Variants in ENG observed in about 807,000 individuals in gnomAD.
ENG encodes CD105 antigen.
In ENG, 17 loss-of-function variants were observed where a neutral mutation model predicts 71.0. That is an observed-to-expected ratio of 0.24 (90% CI 0.16 to 0.36). The LOEUF (loss-of-function observed/expected upper bound fraction) is 0.36. ENG is among the 10% of genes least tolerant of loss of function. The probability of loss-of-function intolerance (pLI) is 1.00; values close to 1 mark genes in which losing one functional copy is unlikely to be tolerated. For synonymous variants in ENG, 360 were observed against 366.9 expected (o/e 0.98, Z 0.21); for missense variants, 749 against 868.3 (o/e 0.86, Z 1.73).
intron 1 of ENG, 70 bp from the exon 2 acceptor site, chr9:127,843,315 C>G: frequency 6.2e-7 from 1 of 1,607,218 alleles, no homozygotes; most frequent in South Asian, 1.1e-5. Context: ...ACTTTCCAAA[C>G]GTCTCCTAGG....
intron 12 of ENG, chr9:127,817,880 G>A (rs1830367529): frequency 3.3e-6 from 2 of 605,856 alleles, no homozygotes; most frequent in Admixed American, 5.9e-5. Flanking sequence ...ATGGATGGAT[G>A]GATAGATGGA....
intron 1 of ENG, among the ~76,000 whole-genome samples, chr9:127,853,680 G>A (rs1829084736): frequency 6.6e-6 from 1 of 152,212 alleles, no homozygotes; most frequent in African/African-American, 2.4e-5. Context: ...AGGCCCTGGG[G>A]AAGGTGAGCT....
Position 127,843,212 on chromosome 9 carries a change from G to A in ENG, c.101C>T (p.Pro34Leu). The stretch of plus-strand genomic sequence containing the variant: ...CACCTCGCCCCTCTCGGGGCCCACA[G>A]GCTGAAGGTCACAATGGACTGTTTC... ...LAETVHCDLQ[P>L]VGPERGEVTY... Residue 34 changes from proline to leucine, a missense_variant, in exon 2 of 15, where the codon CCT becomes CTT. Transcript: ENST00000373203. 6.2e-7 allele frequency: 1 copy of A among 1,614,248 alleles called. No homozygotes were observed. The highest frequency in any genetic ancestry group is 8.5e-7 in the Non-Finnish European group (1 of 1,180,050).
At chr9:127,851,467 G>T (rs1040558413) in intron 1 of ENG, among the ~76,000 whole-genome samples, 1 of 151,926 alleles carries the variant, frequency 6.6e-6, no homozygotes, top group Non-Finnish European at 1.5e-5. Flanking sequence ...TGATCCACCC[G>T]CCTCAGCCTC....
chr9:127,845,865 C>T (rs1365968515), intron 1 of ENG, among the ~76,000 whole-genome samples: 1 of 151,980 alleles, frequency 6.6e-6, no homozygotes, highest in African/African-American at 2.4e-5. Flanking sequence ...CGCCACCACG[C>T]CTGGCTAATT....
Position 127,846,872 on chromosome 9 carries a change from G to C in ENG, c.68-3627C>G. Reference sequence around the variant, plus strand: ...GACCCAGAAGCCACCTCCCACCACTGTCCCCTCTCCACCCTCGCCACCCAT... The same window carrying C: ...GACCCAGAAGCCACCTCCCACCACTCTCCCCTCTCCACCCTCGCCACCCAT... On this transcript the variant is annotated intron_variant, in intron 1 of 14. Transcript: ENST00000373203. The surrounding 1 kb of genome is among the most constrained non-coding windows in gnomAD (Gnocchi z 5.5). The C allele has an allele frequency of 2.0e-6, 2 of 985,528 alleles. No homozygotes were observed. Among genetic ancestry groups the C allele is most frequent in the Non-Finnish European group, 2.4e-6 (2 of 830,086 alleles). The allele number at this position is 985,528 out of a possible 1,614,324, so 61.0% of individuals were successfully genotyped here. A position where few individuals can be genotyped will look rare whatever the true frequency, so the allele number is the denominator to read the frequency against.
At chr9:127,823,617 T>C (rs1830524444) in intron 8 of ENG, among the ~76,000 whole-genome samples, 1 of 151,176 alleles carries the variant, frequency 6.6e-6, no homozygotes, top group Non-Finnish European at 1.5e-5. Context: ...CTCGATCTCC[T>C]GACCTTGTGA....
In ENG at chr9:127,834,395, G is replaced by A. The variant is rs140124489; in HGVS notation, c.220-4568C>T. On this transcript the variant is annotated intron_variant, in intron 2 of 14. Transcript: ENST00000373203. ...TGGGACTACAGGTGTGCGCCACCAT[G>A]CCCAACTAATTTTTGTAATTTTTTC... Among the ~76,000 whole-genome samples the A allele has an allele frequency of 4.7e-4, 71 of 151,430 alleles. No homozygotes were observed. In the East Asian group the frequency reaches 0.012, roughly 25 times the overall value.
intron 2 of ENG, among the ~76,000 whole-genome samples, chr9:127,833,371 A>AT (rs1165705122): frequency 6.6e-6 from 1 of 151,896 alleles, no homozygotes; most frequent in African/African-American, 2.4e-5. Flanking sequence ...AAAATACTAA[A>AT]TTAGCCAGGT....
In ENG at chr9:127,843,112, G is replaced by A; in HGVS notation, c.201C>T (p.Leu67=). ...CACTCACCGTTGGGAACTCCAGGAAGAGGACATGGACTTCAAGGATGGCAT... is the reference window on the plus strand; with the variant it reads ...CACTCACCGTTGGGAACTCCAGGAAAAGGACATGGACTTCAAGGATGGCAT... ...APNAILEVHV[L]FLEFPTGPSQ... Residue 67 remains leucine, a synonymous_variant, in exon 2 of 15, where the codon CTC becomes CTT. Transcript: ENST00000373203. 6.2e-7 allele frequency: 1 copy of A among 1,614,142 alleles called. No individual in the cohort carries two copies. Among genetic ancestry groups the A allele is most frequent in the South Asian group, 1.1e-5 (1 of 91,084 alleles).
intron 2 of ENG, among the ~76,000 whole-genome samples, chr9:127,840,889 A>C (rs1242815161): frequency 1.3e-5 from 2 of 152,216 alleles, no homozygotes; most frequent in Non-Finnish European, 2.9e-5. Context: ...GATCCTTGGA[A>C]TATGGCATGA....
chr9:127,831,191 C>T (rs1830756206), intron 2 of ENG, among the ~76,000 whole-genome samples: 1 of 149,130 alleles, frequency 6.7e-6, no homozygotes, highest in Admixed American at 6.7e-5. Flanking sequence ...GACAGAGTCT[C>T]CCTCTGTTGT....
chr9:127,832,160 C>T (rs1168450128), intron 2 of ENG, among the ~76,000 whole-genome samples: 2 of 147,924 alleles, frequency 1.4e-5, no homozygotes, highest in East Asian at 2.0e-4. Context: ...ACTGCAACCT[C>T]TGCCTCCTGG....
chr9:127,837,774 G>GCATCCATC (rs5900769), intron 2 of ENG, among the ~76,000 whole-genome samples: 4,560 of 112,918 alleles, frequency 0.04, 96 homozygotes, highest in Middle Eastern at 0.07. Flanking sequence ...ATGCATGAAT[G>GCATCCATC]CATCCATCCA....
intron 1 of ENG, chr9:127,847,175 G>A (rs1831186831): frequency 6.5e-6 from 1 of 153,950 alleles, no homozygotes; most frequent in Non-Finnish European, 1.4e-5. Context: ...CTTGTGAGGT[G>A]GGCGGCGCTA....
intron 4 of ENG, 77 bp downstream of exon 4, chr9:127,826,433 T>G (rs1352414638): frequency 1.4e-5 from 22 of 1,580,742 alleles, no homozygotes; most frequent in Non-Finnish European, 1.8e-5. Flanking sequence ...GTGCCCAAGT[T>G]TGAGGTGTGG....
chr9:127,823,697 T>TC (rs1830528817), intron 8 of ENG, among the ~76,000 whole-genome samples: 3 of 143,134 alleles, frequency 2.1e-5, no homozygotes, highest in Non-Finnish European at 3.1e-5. Context: ...TTTTTTTTTT[T>TC]CTGAGACAGA....
intron 1 of ENG, among the ~76,000 whole-genome samples, 178 bp downstream of exon 1, chr9:127,854,111 G>T (rs1325725115): frequency 1.3e-5 from 2 of 152,238 alleles, no homozygotes; most frequent in Non-Finnish European, 2.9e-5. Flanking sequence ...TTTCAACACT[G>T]AAAGTCCTGC....
At chr9:127,818,940 CT>C (rs373626892) in intron 10 of ENG, 108 bp from the exon 11 acceptor site, 96,143 of 600,118 alleles carry the variant, frequency 0.16, 1 homozygote, top group South Asian at 0.22. Flanking sequence ...GCCTGACTCT[CT>C]TTTTTTTTTT....
Sources: gnomAD v4.1 joint callset for allele counts (sites outside exome capture counted in the v4.1 genomes callset) on GRCh38, gnomAD v4.1.1 for gene constraint, Gnocchi (gnomAD v3.1) non-coding constraint, MANE v1.5 for transcripts, NCBI Gene and HGNC (gene_info 2026-07-23, HGNC 2026-07-21) for gene names.